The following SLC35F1 variants were observed in gnomAD, a reference collection of about 807,000 sequenced individuals.
SLC35F1 encodes the protein chromosome 6 open reading frame 169.
In SLC35F1, 14 loss-of-function variants were observed where a neutral mutation model predicts 48.7. That is an observed-to-expected ratio of 0.29 (90% CI 0.19 to 0.45). SLC35F1 has a LOEUF of 0.45. Among genes scored for constraint, SLC35F1 ranks in the 20% least tolerant of loss-of-function variants. The pLI, the probability that SLC35F1 is intolerant of heterozygous loss-of-function variation, is 1.00. For missense variants in SLC35F1, 404 were observed against 500.0 expected (o/e 0.81, Z 1.83); for synonymous variants, 190 against 202.2 (o/e 0.94, Z 0.51).
intron 1 of SLC35F1, among the ~76,000 whole-genome samples, chr6:118,132,765 TC>T (rs1322887027): frequency 6.6e-6 from 1 of 152,224 alleles, no homozygotes; most frequent in Non-Finnish European, 1.5e-5. Flanking sequence ...AAGATTCTGT[TC>T]TTAATTGTAT....
intron 2 of SLC35F1, among the ~76,000 whole-genome samples, chr6:118,176,145 T>C (rs1283563468): frequency 6.6e-6 from 1 of 152,110 alleles, no homozygotes; most frequent in Non-Finnish European, 1.5e-5. Context: ...TCTAGTTCTC[T>C]ACCCCATGGA....
intron 1 of SLC35F1, among the ~76,000 whole-genome samples, chr6:117,917,917 G>A (rs1296751299): frequency 6.6e-6 from 1 of 151,910 alleles, no homozygotes; most frequent in Admixed American, 6.6e-5. Flanking sequence ...ACTGGAGAAG[G>A]AAGGATCTGA....
chr6:117,968,482 C>G (rs868486735), intron 1 of SLC35F1, among the ~76,000 whole-genome samples: 2 of 152,124 alleles, frequency 1.3e-5, no homozygotes, highest in African/African-American at 2.4e-5. Context: ...GAGGTAAAAC[C>G]TTGCTTCAAA....
At chr6:117,988,301 T>C (rs150164475) in intron 1 of SLC35F1, among the ~76,000 whole-genome samples, 1 of 152,330 alleles carries the variant, frequency 6.6e-6, no homozygotes, top group East Asian at 1.9e-4. Flanking sequence ...GATGGTGGAC[T>C]TTCTGCTTGT....
At chr6:118,160,980 A>G (rs1461686417) in intron 2 of SLC35F1, among the ~76,000 whole-genome samples, 1 of 152,040 alleles carries the variant, frequency 6.6e-6, no homozygotes, top group Admixed American at 6.5e-5. Context: ...TTCCAACTCA[A>G]TAAAGGCTTC....
intron 1 of SLC35F1, among the ~76,000 whole-genome samples, chr6:117,946,642 T>C (rs1776298556): frequency 6.6e-6 from 1 of 152,232 alleles, no homozygotes; most frequent in Admixed American, 6.5e-5. Flanking sequence ...TAGTGGCTAA[T>C]TGAAAACTCT....
chr6:118,253,903 G>C (rs1264290206), intron 3 of SLC35F1, among the ~76,000 whole-genome samples: 1 of 151,936 alleles, frequency 6.6e-6, no homozygotes, highest in South Asian at 2.1e-4. Context: ...AAGAGGAAAA[G>C]ATAAATAGCT....
rs1171115140 is a variant in SLC35F1 at position 117,941,361 on chromosome 6, T to C, written c.173+33462T>C. Among the ~76,000 whole-genome samples the C allele has an allele frequency of 3.9e-5, 6 of 152,226 alleles. No individual in the cohort carries two copies. In the East Asian group the frequency reaches 1.2e-3, roughly 29 times the overall value. ...GAAGGAAATGAGTCCTTCCACATTG[T>C]GTACATTCATGGTAAAGCTCTATCT... On this transcript the variant is annotated intron_variant, in intron 1 of 7. Coordinates refer to ENST00000360388, the MANE Select transcript of SLC35F1 (RefSeq NM_001029858.4).
In SLC35F1 at chr6:118,266,975, A is replaced by T. The variant is rs975826434; in HGVS notation, c.478-20A>T. 6.2e-7 allele frequency: 1 copy of T among 1,612,454 alleles called. No homozygotes were observed. Among genetic ancestry groups the T allele is most frequent in the African/African-American group, 1.3e-5 (1 of 74,956 alleles). On this transcript the variant is annotated intron_variant, in intron 3 of 7. Transcript: ENST00000360388. Reference sequence around the variant, plus strand: ...CCTCCTGAATCTCCTGTTGTTGTTTACCTTCATCCCTCCCAATAGCTCCTG... The same window carrying T: ...CCTCCTGAATCTCCTGTTGTTGTTTTCCTTCATCCCTCCCAATAGCTCCTG...
chr6:118,214,809 A>G (rs1775050992), intron 2 of SLC35F1, among the ~76,000 whole-genome samples: 2 of 152,300 alleles, frequency 1.3e-5, no homozygotes, highest in East Asian at 3.9e-4. Context: ...TAAGCCGAAC[A>G]CTGTCTCTCA....
chr6:118,210,584 T>A, intron 2 of SLC35F1, among the ~76,000 whole-genome samples: 1 of 152,214 alleles, frequency 6.6e-6, no homozygotes, highest in Admixed American at 6.5e-5. Context: ...TGCCTTCCCC[T>A]GGGTAAGAGC....
intron 2 of SLC35F1, among the ~76,000 whole-genome samples, chr6:118,199,659 T>C (rs1774847519): frequency 6.6e-6 from 1 of 152,172 alleles, no homozygotes; most frequent in African/African-American, 2.4e-5. Context: ...TAAATTCACA[T>C]ATGGTTGCAA....
chr6:118,178,798 T>C (rs1328633381), intron 2 of SLC35F1, among the ~76,000 whole-genome samples: 1 of 152,160 alleles, frequency 6.6e-6, no homozygotes, highest in African/African-American at 2.4e-5. Context: ...AGGTCTGTGA[T>C]TGACATATAA....
intron 2 of SLC35F1, among the ~76,000 whole-genome samples, chr6:118,163,163 C>T (rs1277727271): frequency 6.6e-6 from 1 of 151,914 alleles, no homozygotes; most frequent in African/African-American, 2.4e-5. Flanking sequence ...GGGGTTTCAC[C>T]ATGTTGGCCA....
intron 2 of SLC35F1, 140 bp from the exon 3 acceptor site, chr6:118,235,369 T>C (rs2114583142): frequency 1.2e-6 from 1 of 857,218 alleles, no homozygotes; most frequent in Non-Finnish European, 1.7e-6. Context: ...GGGTATCTGA[T>C]ACGTTGATTT....
At chr6:118,305,635 G>GTTCACC (rs1776303680) in intron 7 of SLC35F1, among the ~76,000 whole-genome samples, 1 of 152,118 alleles carries the variant, frequency 6.6e-6, no homozygotes, top group African/African-American at 2.4e-5. Context: ...AGATGATGAT[G>GTTCACC]TTCACCCTTT....
chr6:118,306,503 A>T (rs1776313427), intron 7 of SLC35F1, among the ~76,000 whole-genome samples: 2 of 152,230 alleles, frequency 1.3e-5, no homozygotes, highest in Admixed American at 1.3e-4. Flanking sequence ...TGTTTTGCAG[A>T]GGGAAAGTAG....
chr6:118,187,366 G>GA (rs1774670660), intron 2 of SLC35F1, among the ~76,000 whole-genome samples: 1 of 152,006 alleles, frequency 6.6e-6, no homozygotes, highest in African/African-American at 2.4e-5. Context: ...TCAGATGTAA[G>GA]AAAAAAGAGG....
intron 5 of SLC35F1, 124 bp downstream of exon 5, chr6:118,275,739 C>A: frequency 1.4e-6 from 1 of 722,266 alleles, no homozygotes; most frequent in Non-Finnish European, 2.2e-6. Context: ...GTACAAAGGA[C>A]TTATGTAATC....
Sources: allele counts gnomAD v4.1 joint callset (sites outside exome capture counted in the v4.1 genomes callset), GRCh38; gene constraint gnomAD v4.1.1; transcripts MANE v1.5; gene names NCBI Gene and HGNC (gene_info 2026-07-23, HGNC 2026-07-21).